Variants in CALN1 observed in about 807,000 individuals in gnomAD.
The protein encoded by CALN1 is calneuron 1, also known as calcium-binding protein 8.
CALN1 carries 17 observed loss-of-function variants against 30.6 expected under a neutral mutation model. The ratio of observed to expected loss-of-function variants is 0.56; its 90% CI spans 0.38 to 0.83. The LOEUF (loss-of-function observed/expected upper bound fraction) is 0.83. CALN1 is among the 40% of genes least tolerant of loss of function. CALN1 has a pLI of 0.00. For missense variants in CALN1, 291 were observed against 354.9 expected (o/e 0.82, Z 1.45); for synonymous variants, 156 against 131.4 (o/e 1.19, Z -1.28).
chr7:72,269,161 C>A (rs527745601), intron 3 of CALN1, among the ~76,000 whole-genome samples: 46 of 152,228 alleles, frequency 3.0e-4, no homozygotes, highest in Admixed American at 1.9e-3. Context: ...GTGGGTTCCC[C>A]ATGAACATCT....
At chr7:72,291,663 T>G (rs1171281836) in intron 2 of CALN1, among the ~76,000 whole-genome samples, 2 of 152,016 alleles carry the variant, frequency 1.3e-5, no homozygotes, top group East Asian at 3.9e-4. Context: ...GGAGACTGAG[T>G]CTAGCTCCCA....
chr7:71,874,279 TA>T lies in CALN1; in HGVS notation c.502-63788del, dbSNP rs57423286. Among the ~76,000 whole-genome samples the T allele has an allele frequency of 5.3e-3, 513 of 97,624 alleles. 1 individual carries two copies. Among genetic ancestry groups the T allele is most frequent in the Middle Eastern group, 7.4e-3 (1 of 136 alleles). 64.0% of individuals were successfully genotyped at this position (97,624 alleles called of 152,430 possible). On this transcript the variant is annotated intron_variant, in intron 5 of 6. Transcript: ENST00000395275. ...GACAGCGAGACTCTGTCTCAAACAT[TA>T]AAAAAAAAAAAAAAAAAAAAAAATC...
chr7:72,492,709 T>C, the CALN1 span, among the ~76,000 whole-genome samples: 1 of 152,196 alleles, frequency 6.6e-6, no homozygotes, highest in Non-Finnish European at 1.5e-5. Context: ...TATCTGGACC[T>C]GGTCATTATC....
chr7:71,887,551 G>C (rs572394393), intron 5 of CALN1, among the ~76,000 whole-genome samples: 2 of 152,078 alleles, frequency 1.3e-5, no homozygotes, highest in Non-Finnish European at 2.9e-5. Context: ...CACCCGCCTC[G>C]GCCTCCCAAA....
chr7:72,137,323 C>G (rs887802074), intron 3 of CALN1, among the ~76,000 whole-genome samples: 1 of 152,148 alleles, frequency 6.6e-6, no homozygotes, highest in African/African-American at 2.4e-5. Context: ...AGAGAACTTA[C>G]AACGGTGGTG....
At chr7:72,022,115 T>G (rs1437176736) in intron 5 of CALN1, among the ~76,000 whole-genome samples, 2 of 152,106 alleles carry the variant, frequency 1.3e-5, no homozygotes, top group Admixed American at 1.3e-4. Flanking sequence ...CTTTTCTTTC[T>G]TTGCATTTAA....
chr7:72,012,750 C>T (rs1800155481), intron 5 of CALN1, among the ~76,000 whole-genome samples: 1 of 152,156 alleles, frequency 6.6e-6, no homozygotes, highest in Non-Finnish European at 1.5e-5. Flanking sequence ...AGTTCTTTTC[C>T]TCCTGGCAGC....
chr7:72,058,312 T>A (rs1803410958), intron 4 of CALN1, among the ~76,000 whole-genome samples: 4 of 69,170 alleles, frequency 5.8e-5, no homozygotes, highest in East Asian at 1.3e-3. Context: ...GCTGGAATCT[T>A]TTTTTTTTTT....
chr7:71,827,961 G>A (rs115178795), intron 5 of CALN1, among the ~76,000 whole-genome samples: 2,941 of 152,112 alleles, frequency 0.019, 105 homozygotes, highest in African/African-American at 0.067. Context: ...AACGTGCTCT[G>A]TGTGCTGGGG....
chr7:72,079,973 G>A (rs1172851683), intron 4 of CALN1, among the ~76,000 whole-genome samples: 1 of 151,964 alleles, frequency 6.6e-6, no homozygotes, highest in African/African-American at 2.4e-5. Context: ...GTTTTGCCAT[G>A]TTGGCCAGGC....
At chr7:72,451,303 A>G (rs913143972), upstream of CALN1, among the ~76,000 whole-genome samples, 190 of 145,680 alleles carry the variant, frequency 1.3e-3, no homozygotes, top group African/African-American at 4.5e-3. Context: ...AGAGAAGAGG[A>G]AGAAGAAGGA....
intron 4 of CALN1, among the ~76,000 whole-genome samples, chr7:72,072,190 T>C (rs1174072463): frequency 6.6e-6 from 1 of 152,144 alleles, no homozygotes; most frequent in Admixed American, 6.6e-5. Context: ...TCATCTAAGA[T>C]GAACTCAAAG....
At chr7:72,339,642 A>G (rs1585537284) in intron 2 of CALN1, among the ~76,000 whole-genome samples, 1 of 152,176 alleles carries the variant, frequency 6.6e-6, no homozygotes, top group Non-Finnish European at 1.5e-5. Context: ...ACTGGGTAAT[A>G]TACAAAGGAA....
upstream of CALN1, among the ~76,000 whole-genome samples, chr7:72,413,998 A>C (rs997503235): frequency 1.3e-5 from 2 of 152,068 alleles, no homozygotes; most frequent in African/African-American, 4.8e-5. Flanking sequence ...TCTGTTTTTG[A>C]GTCCCCTGCT....
chr7:72,187,112 G>A (rs1162347353), intron 3 of CALN1, among the ~76,000 whole-genome samples: 12 of 151,842 alleles, frequency 7.9e-5, no homozygotes, highest in Admixed American at 2.6e-4. Flanking sequence ...TTGCAAGAAA[G>A]GTATTATCAT....
intron 2 of CALN1, among the ~76,000 whole-genome samples, chr7:72,290,723 C>T (rs1798422766): frequency 1.3e-5 from 2 of 152,120 alleles, no homozygotes; most frequent in African/African-American, 4.8e-5. Flanking sequence ...GAAGTAATCT[C>T]CTCAAATTAT....
chr7:72,316,163 G>A (rs371387444), intron 2 of CALN1, among the ~76,000 whole-genome samples: 16 of 150,374 alleles, frequency 1.1e-4, no homozygotes, highest in African/African-American at 2.7e-4. Context: ...AAGAAAGAAA[G>A]AAAAAAAAGA....
chr7:72,391,465 G>A (rs372502989), intron 2 of CALN1, among the ~76,000 whole-genome samples: 20 of 128,918 alleles, frequency 1.6e-4, no homozygotes, highest in African/African-American at 4.2e-4. Flanking sequence ...GCAGCAAAAG[G>A]ACCCAGCATG....
chr7:72,330,744 G>C (rs1187305187), intron 2 of CALN1, among the ~76,000 whole-genome samples: 1 of 152,160 alleles, frequency 6.6e-6, no homozygotes, highest in African/African-American at 2.4e-5. Context: ...TACTTAAATA[G>C]GTCTTATTCA....
Sources: gnomAD v4.1 joint callset for allele counts (sites outside exome capture counted in the v4.1 genomes callset) on GRCh38, gnomAD v4.1.1 for gene constraint, MANE v1.5 for transcripts, NCBI Gene and HGNC (gene_info 2026-07-23, HGNC 2026-07-21) for gene names.